Variants in PDE1C observed in about 807,000 individuals in gnomAD.
The protein encoded by PDE1C is dual specificity calcium/calmodulin-dependent 3',5'-cyclic nucleotide phosphodiesterase 1C.
PDE1C carries 62 observed loss-of-function variants against 93.1 expected under a neutral mutation model. That is an observed-to-expected ratio of 0.67 (90% CI 0.54 to 0.82). The LOEUF (loss-of-function observed/expected upper bound fraction) is 0.82. PDE1C is among the 40% of genes least tolerant of loss of function. PDE1C has a pLI of 0.00. For synonymous variants in PDE1C, 325 were observed against 310.1 expected, an observed-to-expected ratio of 1.05 and a Z score of -0.50; for missense variants, 742 against 884.6, an observed-to-expected ratio of 0.84 and a Z score of 2.04.
intron 1 of PDE1C, among the ~76,000 whole-genome samples, chr7:32,380,222 C>CTT (rs1784507459): frequency 6.6e-6 from 1 of 151,738 alleles, no homozygotes; most frequent in African/African-American, 2.4e-5. Flanking sequence ...TCCATCCTCT[C>CTT]TCTCTCTCTC....
intron 9 of PDE1C, 166 bp downstream of exon 9, chr7:31,847,802 A>G: frequency 1.5e-6 from 1 of 666,720 alleles, no homozygotes; most frequent in Non-Finnish European, 2.6e-6. Context: ...GAAATAAGAC[A>G]TACATACATA....
chr7:32,070,697 A>G, upstream of PDE1C: 1 of 1,242,828 alleles, frequency 8.0e-7, no homozygotes, highest in Non-Finnish European at 1.0e-6. Flanking sequence ...TCCAGCTCCA[A>G]GAGAAAGCAC....
At chr7:32,098,174 G>A (rs181968487) in intron 3 of PDE1C, among the ~76,000 whole-genome samples, 1 of 133,264 alleles carries the variant, frequency 7.5e-6, no homozygotes, top group African/African-American at 2.9e-5. Context: ...AGCTTGCAGT[G>A]AGCCGAGATC....
At chr7:31,957,135 A>T (rs1463530954) in intron 2 of PDE1C, among the ~76,000 whole-genome samples, 1 of 150,678 alleles carries the variant, frequency 6.6e-6, no homozygotes, top group Admixed American at 6.7e-5. Context: ...ACAGAAATTT[A>T]AAAATACATA....
chr7:31,757,119 G>A (rs1210931252), intron 17 of PDE1C, among the ~76,000 whole-genome samples: 1 of 152,220 alleles, frequency 6.6e-6, no homozygotes, highest in Non-Finnish European at 1.5e-5. Flanking sequence ...ATATGCTACT[G>A]TGATACTATG....
At position 32,236,223 on chromosome 7, in the gene PDE1C, C is replaced by T. The variant is rs78716831; in HGVS notation, c.86-26684G>A. On this transcript the variant is annotated intron_variant, in intron 1 of 18. Coordinates refer to the PDE1C transcript ENST00000396193. The stretch of plus-strand genomic sequence containing the variant: ...ACCACCTAAATAAATGAGAGACATA[C>T]CACATTCATGTATTGGAACACTCAA... Among the ~76,000 whole-genome samples the T allele has an allele frequency of 8.2e-3, 1,252 of 152,036 alleles. 23 individuals carry two copies. The highest frequency in any genetic ancestry group is 0.029 in the African/African-American group (1,196 of 41,514).
At chr7:32,049,818 A>G (rs557150683) in intron 2 of PDE1C, among the ~76,000 whole-genome samples, 1 of 152,160 alleles carries the variant, frequency 6.6e-6, no homozygotes, top group African/African-American at 2.4e-5. Context: ...GGTCTAAGTA[A>G]CTTTATTTCC....
chr7:31,765,453 T>C (rs1795084908), intron 17 of PDE1C, among the ~76,000 whole-genome samples: 2 of 152,184 alleles, frequency 1.3e-5, no homozygotes. Flanking sequence ...GCTAAGTCTT[T>C]TGCTGTATTT....
rs959745050 is a variant in PDE1C at position 32,100,193 on chromosome 7, A to G, written c.308+69592T>C. On this transcript the variant is annotated intron_variant, in intron 3 of 18. Transcript: ENST00000396193. The stretch of plus-strand genomic sequence containing the variant: ...ATAGAAGAAAGGAAGGGAGGGAAGA[A>G]TGAAGGAAATCAACATTTCTATATG... 6.6e-5 allele frequency among the ~76,000 whole-genome samples: 10 copies of G among 152,358 alleles called. No homozygotes were observed. In the South Asian group the frequency reaches 2.1e-3, roughly 32 times the overall value.
intron 1 of PDE1C, among the ~76,000 whole-genome samples, chr7:32,387,384 G>A (rs1784649790): frequency 1.3e-5 from 2 of 151,628 alleles, no homozygotes; most frequent in Non-Finnish European, 2.9e-5. Context: ...CCAATGAGCC[G>A]CTGGGCACAC....
At chr7:32,273,491 G>A (rs369947162) in intron 1 of PDE1C, among the ~76,000 whole-genome samples, 9 of 152,302 alleles carry the variant, frequency 5.9e-5, no homozygotes, top group Admixed American at 3.3e-4. Context: ...AGTAGACATA[G>A]GGTTATCACA....
chr7:32,149,163 G>A (rs1801084889), intron 3 of PDE1C, among the ~76,000 whole-genome samples: 1 of 152,080 alleles, frequency 6.6e-6, no homozygotes, highest in Non-Finnish European at 1.5e-5. Flanking sequence ...AGCTGAGAAA[G>A]GAAAAGCTGA....
At chr7:31,848,119 T>C (rs1270634326) in intron 8 of PDE1C, 23 bp from the exon 9 acceptor site, 5 of 1,609,700 alleles carry the variant, frequency 3.1e-6, no homozygotes, top group Non-Finnish European at 4.2e-6. Flanking sequence ...CCAAGCAAAA[T>C]TCAGAATGTT....
rs1807663469 is a variant in PDE1C at position 32,231,151 on chromosome 7, T to C, written c.86-21612A>G. Among the ~76,000 whole-genome samples the C allele has an allele frequency of 2.6e-5, 4 of 152,288 alleles. No homozygotes were observed. In the South Asian group the frequency reaches 8.3e-4, roughly 32 times the overall value. ...TTTGGTCATAACATAGAAGTCACTC[T>C]CAGTCAAAATATTATCCAGAACACA... On this transcript the variant is annotated intron_variant, in intron 1 of 18. Transcript: ENST00000396193.
intron 3 of PDE1C, among the ~76,000 whole-genome samples, chr7:32,089,855 A>G (rs377578220): frequency 3.9e-4 from 60 of 152,284 alleles, no homozygotes; most frequent in African/African-American, 1.4e-3. Flanking sequence ...TATCACCACA[A>G]TCCATTTTCT....
the PDE1C span, chr7:31,708,465 C>T: frequency 2.6e-5 from 4 of 152,196 alleles, no homozygotes; most frequent in African/African-American, 9.7e-5. Context: ...ACATCTCTGT[C>T]CTCGTGCGTT....
the PDE1C span, among the ~76,000 whole-genome samples, chr7:31,647,731 C>T: frequency 5.5e-4 from 82 of 148,792 alleles, no homozygotes; most frequent in African/African-American, 1.5e-3. Flanking sequence ...ACAACGACGA[C>T]GACAATGGGA....
intron 1 of PDE1C, among the ~76,000 whole-genome samples, chr7:32,210,326 A>G (rs1283347981): frequency 6.6e-6 from 1 of 152,242 alleles, no homozygotes; most frequent in Admixed American, 6.5e-5. Context: ...CATAGCAGAC[A>G]GACATGGGTA....
intron 2 of PDE1C, among the ~76,000 whole-genome samples, chr7:32,029,049 A>C (rs531706789): frequency 6.6e-6 from 1 of 152,300 alleles, no homozygotes; most frequent in East Asian, 1.9e-4. Context: ...AATAGCAAAA[A>C]AACAAAAAGC....
Sources: gnomAD v4.1 joint callset for allele counts (sites outside exome capture counted in the v4.1 genomes callset) on GRCh38, gnomAD v4.1.1 for gene constraint, MANE v1.5 for transcripts, NCBI Gene and HGNC (gene_info 2026-07-23, HGNC 2026-07-21) for gene names.